Variants in TCF3 observed in about 807,000 individuals in gnomAD.
TCF3 encodes transcription factor 3, also known as transcription factor E2-alpha.
Under a neutral mutation model 72.3 loss-of-function variants are expected in TCF3, and 54 were observed. The observed-to-expected ratio is 0.75, with a 90% CI of 0.60 to 0.94. The LOEUF (loss-of-function observed/expected upper bound fraction) is 0.94. Among genes scored for constraint, TCF3 ranks in the 40% least tolerant of loss-of-function variants. The probability of loss-of-function intolerance (pLI) is 0.00; values close to 1 mark genes in which losing one functional copy is unlikely to be tolerated. For synonymous variants in TCF3, 525 were observed against 412.6 expected (o/e 1.27, Z -3.30); for missense variants, 1,078 against 934.4 (o/e 1.15, Z -2.00).
rs527810137 is a variant in TCF3 at position 1,614,516 on chromosome 19, G to A, written c.1822+769C>T. 1.5e-4 allele frequency among the ~76,000 whole-genome samples: 23 copies of A among 152,242 alleles called. No individual in the cohort carries two copies. In the South Asian group the frequency reaches 3.5e-3, roughly 23 times the overall value. On this transcript the variant is annotated intron_variant, in intron 18 of 18. Coordinates refer to ENST00000262965, the MANE Select transcript of TCF3 (RefSeq NM_003200.5). This position sits in a 1 kb window ranked among gnomAD's most constrained non-coding sequence, Gnocchi z 5.6. ...GCAGAGAGGCGGGCTTGGGGGGCGC[G>A]AGGCGTGCCACACACGGCTGCAGAG...
At chr19:1,620,917 C>A in intron 13 of TCF3, 51 bp downstream of exon 13, 2 of 1,418,056 alleles carry the variant, frequency 1.4e-6, no homozygotes, top group Non-Finnish European at 9.3e-7. Context: ...CTCCCCTCCC[C>A]CCAAACCCTC....
chr19:1,611,609 AGGTGTG>A lies in TCF3; in HGVS notation c.*92_*97del. 1 of 1,469,072 alleles carries A rather than the reference AGGTGTG, an allele frequency of 6.8e-7. No homozygotes were observed. The highest frequency in any genetic ancestry group is 2.3e-5 in the East Asian group (1 of 42,582). The allele number at this position is 1,469,072 out of a possible 1,614,324, so 91.0% of individuals were successfully genotyped here. A position where few individuals can be genotyped will look rare whatever the true frequency, so the allele number is the denominator to read the frequency against. Reference sequence around the variant, plus strand: ...GCTCGATGCTGACAACAGGTGTGTGAGGTGTGGATGTGGATGAAGCCCGGGGTCTCG... The same window carrying A: ...GCTCGATGCTGACAACAGGTGTGTGAGATGTGGATGAAGCCCGGGGTCTCG... On this transcript the variant is annotated 3_prime_UTR_variant, in exon 19 of 19. Transcript: ENST00000262965.
In TCF3 at chr19:1,619,754, T is replaced by TGGGGTGGGGC. The variant is rs1049433210; in HGVS notation, c.1167+16_1167+25dup. 130 of 519,372 alleles carry TGGGGTGGGGC rather than the reference T, an allele frequency of 2.5e-4. 1 individual carries two copies. Among genetic ancestry groups the TGGGGTGGGGC allele is most frequent in the Middle Eastern group, 1.1e-3 (2 of 1,846 alleles). 32.2% of individuals were successfully genotyped at this position (519,372 alleles called of 1,614,324 possible). A position where few individuals can be genotyped will look rare whatever the true frequency, so the allele number is the denominator to read the frequency against. On this transcript the variant is annotated intron_variant, in intron 14 of 18. Coordinates refer to ENST00000262965, the MANE Select transcript of TCF3 (RefSeq NM_003200.5). ...TCCTGCAAATTCTGTCGGGGAAGGG[T>TGGGGTGGGGC]GGGGTGGGGCGGGGCAGGCACTCAC...
At chr19:1,648,744 G>A (rs2066518156) in intron 2 of TCF3, among the ~76,000 whole-genome samples, 1 of 152,074 alleles carries the variant, frequency 6.6e-6, no homozygotes, top group African/African-American at 2.4e-5. Flanking sequence ...GTGCCTCATA[G>A]GCGGGAGGGT....
chr19:1,626,928 G>C (rs993910411), intron 6 of TCF3, among the ~76,000 whole-genome samples: 1 of 152,044 alleles, frequency 6.6e-6, no homozygotes, highest in Non-Finnish European at 1.5e-5. Context: ...GCCCAGCACC[G>C]GAGGCTGCAT....
Position 1,611,811 on chromosome 19 carries a change from GC to G in TCF3, c.1860del (p.Arg621GlufsTer24). 6.2e-7 allele frequency: 1 copy of G among 1,613,396 alleles called. No individual in the cohort carries two copies. Among genetic ancestry groups the G allele is most frequent in the Non-Finnish European group, 8.5e-7 (1 of 1,179,874 alleles). On this transcript the variant is annotated frameshift_variant, in exon 19 of 19. Transcript: ENST00000262965. LOFTEE classifies it low-confidence loss of function (END_TRUNC). ...NLNPKAACLKRREEEKVSGVV... is the reference protein window; with the variant it reads ...NLNPKAACLKXREEEKVSGVV... ...ACACCTGACACCTTTTCCTCTTCTC[GC>G]CGTTTCAAACAGGCTGCTTTGGGAT...
intron 16 of TCF3, among the ~76,000 whole-genome samples, chr19:1,617,615 C>A (rs767682583): frequency 6.6e-6 from 1 of 152,230 alleles, no homozygotes; most frequent in Non-Finnish European, 1.5e-5. Context: ...CAGAAATGCA[C>A]CCGCTCCCCA....
In TCF3 at chr19:1,622,055, A is replaced by G. The variant is rs2062306075; in HGVS notation, c.821T>C (p.Met274Thr). Reference sequence around the variant, plus strand: ...CCTGCCCCCTGCCCTGGGTCCTACCATACGCTCGTGCTGGTGCAGGCCACC... The same window carrying G: ...CCTGCCCCCTGCCCTGGGTCCTACCGTACGCTCGTGCTGGTGCAGGCCACC... Reference protein sequence around the residue: ...TFGGLHQHERMGYQLHGAEVN... With the variant: ...TFGGLHQHERTGYQLHGAEVN... The change falls in exon 10 of 19, where the codon ATG (methionine) becomes ACG (threonine). Residue 274 changes from methionine to threonine, a missense_variant and splice_region_variant. Met to Thr is a moderately conservative substitution (Grantham distance 81). Coordinates refer to ENST00000262965, the MANE Select transcript of TCF3 (RefSeq NM_003200.5). The G allele has an allele frequency of 1.3e-6, 2 of 1,596,420 alleles. No individual in the cohort carries two copies. Among genetic ancestry groups the G allele is most frequent in the Non-Finnish European group, 1.7e-6 (2 of 1,173,194 alleles).
intron 3 of TCF3, among the ~76,000 whole-genome samples, chr19:1,644,169 C>T: frequency 6.6e-6 from 1 of 152,226 alleles, no homozygotes; most frequent in South Asian, 2.1e-4. Flanking sequence ...TGCCGGGATC[C>T]CTCCGCCCCT....
chr19:1,646,147 C>T (rs2066056532), intron 3 of TCF3, among the ~76,000 whole-genome samples: 1 of 152,160 alleles, frequency 6.6e-6, no homozygotes, highest in Non-Finnish European at 1.5e-5. Flanking sequence ...ACGAGGGGCT[C>T]AGGGGCTCGG....
intron 3 of TCF3, among the ~76,000 whole-genome samples, chr19:1,634,263 A>G (rs1399626394): frequency 6.6e-6 from 1 of 152,266 alleles, no homozygotes; most frequent in East Asian, 1.9e-4. Context: ...ATGAATATTC[A>G]TAATGCATCC....
Position 1,648,416 on chromosome 19 carries a change from G to A in TCF3, c.72+1761C>T, listed in dbSNP as rs577193520. 9.8e-5 allele frequency among the ~76,000 whole-genome samples: 15 copies of A among 152,300 alleles called. No homozygotes were observed. In the South Asian group the frequency reaches 1.2e-3, roughly 13 times the overall value. On this transcript the variant is annotated intron_variant, in intron 2 of 18. Coordinates refer to ENST00000262965, the MANE Select transcript of TCF3 (RefSeq NM_003200.5). Reference sequence around the variant, plus strand: ...CCAGCCTGTTTCCTCATCTGGGAACGGCTCCGACCCGGGATGGGGAGACGT... The same window carrying A: ...CCAGCCTGTTTCCTCATCTGGGAACAGCTCCGACCCGGGATGGGGAGACGT...
intron 1 of TCF3, chr19:1,650,616 C>T (rs902724930): frequency 1.5e-5 from 4 of 271,368 alleles, no homozygotes; most frequent in Admixed American, 5.3e-5. Context: ...CGCAGGGCAG[C>T]CAGAACCTCT....
intron 5 of TCF3, among the ~76,000 whole-genome samples, chr19:1,631,400 T>C (rs1016137390): frequency 2.0e-5 from 3 of 151,924 alleles, no homozygotes; most frequent in Non-Finnish European, 2.9e-5. Context: ...TCCTGAGTAG[T>C]TGGCACTATA....
chr19:1,622,332 G>C lies in TCF3; in HGVS notation c.633C>G (p.Pro211=). 6.5e-7 allele frequency: 1 copy of C among 1,536,374 alleles called. No individual in the cohort carries two copies. The highest frequency in any genetic ancestry group is 8.8e-7 in the Non-Finnish European group (1 of 1,141,452). ...ATGTACCTGCCACGTAGAAGGGGGC[G>C]GGATAGGTGCTGCTGGGGGTCTTGG... is the stretch of plus-strand genomic sequence containing the variant. ...PSAKTPSSTY[P]APFYVADGSL... The change falls in exon 9 of 19, where the codon CCC becomes CCG. Residue 211 remains proline, a synonymous_variant. Coordinates refer to ENST00000262965, the MANE Select transcript of TCF3 (RefSeq NM_003200.5).
chr19:1,621,712 A>G (rs2062242948), intron 11 of TCF3, 126 bp downstream of exon 11: 1 of 1,290,904 alleles, frequency 7.7e-7, no homozygotes, highest in Admixed American at 2.9e-5. Flanking sequence ...AGAACTGACA[A>G]CAACCCGCTC....
At chr19:1,638,596 T>G (rs1215713746) in intron 3 of TCF3, among the ~76,000 whole-genome samples, 1 of 152,208 alleles carries the variant, frequency 6.6e-6, no homozygotes, top group Non-Finnish European at 1.5e-5. Flanking sequence ...AAGAGAAATA[T>G]ACAGGCTCAA....
chr19:1,635,299 G>A (rs938239513), intron 3 of TCF3, among the ~76,000 whole-genome samples: 6 of 152,164 alleles, frequency 3.9e-5, no homozygotes, highest in African/African-American at 1.2e-4. Context: ...CTACAGCAGC[G>A]GGTTAAGCCC....
At chr19:1,632,972 G>A (rs969841702) in intron 3 of TCF3, among the ~76,000 whole-genome samples, 4 of 152,234 alleles carry the variant, frequency 2.6e-5, no homozygotes, top group Non-Finnish European at 5.9e-5. Context: ...GAGGCTGGCA[G>A]CCCGTGAGGG....
Sources: allele counts gnomAD v4.1 joint callset (sites outside exome capture counted in the v4.1 genomes callset), GRCh38; gene constraint gnomAD v4.1.1; non-coding constraint Gnocchi (gnomAD v3.1); transcripts MANE v1.5; gene names NCBI Gene and HGNC (gene_info 2026-07-23, HGNC 2026-07-21).